C12orf56: variants seen among roughly 807,000 people sequenced by gnomAD.
C12orf56 encodes the protein uncharacterized protein C12orf56.
Under a neutral mutation model 69.9 loss-of-function variants are expected in C12orf56, and 71 were observed. The observed-to-expected ratio is 1.02, with a 90% confidence interval of 0.84 to 1.24. The LOEUF is 1.24. C12orf56 is among the 50% of genes most tolerant of loss of function. The pLI, the probability that C12orf56 is intolerant of heterozygous loss-of-function variation, is 0.00. For missense variants in C12orf56, 732 were observed against 738.5 expected, an observed-to-expected ratio of 0.99 and a Z score of 0.10; for synonymous variants, 276 against 274.1, an observed-to-expected ratio of 1.01 and a Z score of -0.07.
chr12:64,310,245 G>C (rs533634971), intron 5 of C12orf56, among the ~76,000 whole-genome samples: 2 of 151,966 alleles, frequency 1.3e-5, no homozygotes, highest in East Asian at 3.9e-4. Flanking sequence ...GGGCTCAAGC[G>C]ATCCTCCCAC....
At position 64,390,569 on chromosome 12, in the gene C12orf56, C is replaced by G. The variant is rs772074453; in HGVS notation, c.-4G>C. On this transcript the variant is annotated 5_prime_UTR_variant, in exon 1 of 13. Coordinates refer to ENST00000543942, the MANE Select transcript of C12orf56 (RefSeq NM_001170633.2). ...CGGACGGCAAGGGGCTGGCCATGCC[C>G]GGCGCCCGCAGCGTGGCGGAGTGCT... is the stretch of plus-strand genomic sequence containing the variant. 18 of 1,562,226 alleles carry G rather than the reference C, an allele frequency of 1.2e-5. No individual in the cohort carries two copies. Among genetic ancestry groups the G allele is most frequent in the Non-Finnish European group, 1.5e-5 (17 of 1,160,528 alleles).
At chr12:64,346,680 C>A (rs1476442994) in intron 2 of C12orf56, among the ~76,000 whole-genome samples, 1 of 152,084 alleles carries the variant, frequency 6.6e-6, no homozygotes, top group Non-Finnish European at 1.5e-5. Context: ...TTCTAACTCT[C>A]TAATCACATG....
At chr12:64,360,105 T>G (rs1487889392) in intron 1 of C12orf56, among the ~76,000 whole-genome samples, 1 of 152,006 alleles carries the variant, frequency 6.6e-6, no homozygotes, top group African/African-American at 2.4e-5. Context: ...AATATTTTTT[T>G]GCTTTACATC....
intron 7 of C12orf56, 38 bp downstream of exon 7, chr12:64,285,916 A>G (rs2038194193): frequency 1.7e-6 from 2 of 1,196,778 alleles, no homozygotes; most frequent in Non-Finnish European, 1.1e-6. Context: ...CACCCTAGCA[A>G]AAAAAAAAAA....
chr12:64,350,561 T>A (rs1359619458), intron 2 of C12orf56, among the ~76,000 whole-genome samples: 1 of 152,206 alleles, frequency 6.6e-6, no homozygotes, highest in African/African-American at 2.4e-5. Context: ...ACTGGCCTGA[T>A]ACATTGTCTA....
At chr12:64,280,008 T>C (rs1167670642) in intron 8 of C12orf56, among the ~76,000 whole-genome samples, 1 of 149,728 alleles carries the variant, frequency 6.7e-6, no homozygotes, top group East Asian at 1.9e-4. Context: ...CTTGCTATGA[T>C]AACATATGAA....
intron 1 of C12orf56, among the ~76,000 whole-genome samples, chr12:64,375,613 C>T (rs2039629126): frequency 6.6e-6 from 1 of 152,124 alleles, no homozygotes; most frequent in Middle Eastern, 3.2e-3. Context: ...CTGACAATAA[C>T]AAATTAAGAG....
chr12:64,352,081 T>TTTTTTGTTTTTGTTTTTG (rs1248313435), intron 2 of C12orf56, among the ~76,000 whole-genome samples: 5 of 127,634 alleles, frequency 3.9e-5, no homozygotes, highest in Non-Finnish European at 5.2e-5. Context: ...AGTAAAAGGT[T>TTTTTTGTTTTTGTTTTTG]TTTTTGTTTT....
At chr12:64,279,741 T>G (rs1024350694) in intron 8 of C12orf56, among the ~76,000 whole-genome samples, 2 of 152,196 alleles carry the variant, frequency 1.3e-5, no homozygotes, top group Admixed American at 1.3e-4. Context: ...GTTAGTACAT[T>G]TCTCACAAAA....
At position 64,390,671 on chromosome 12, in the gene C12orf56, G is replaced by C; in HGVS notation, c.-106C>G. On this transcript the variant is annotated 5_prime_UTR_variant, in exon 1 of 13. Transcript: ENST00000543942. ...CGCGCCACAAAGCCGCCGGCCACGC[G>C]TCGCCTCCTCTCCAGGCGCGGGGAC... 7.4e-7 allele frequency: 1 copy of C among 1,356,098 alleles called. No individual in the cohort carries two copies. Among genetic ancestry groups the C allele is most frequent in the Non-Finnish European group, 9.5e-7 (1 of 1,057,946 alleles). 84.0% of individuals were successfully genotyped at this position (1,356,098 alleles called of 1,614,324 possible). A position where few individuals can be genotyped will look rare whatever the true frequency, so the allele number is the denominator to read the frequency against.
At chr12:64,293,693 T>C (rs1447118617) in intron 6 of C12orf56, among the ~76,000 whole-genome samples, 1 of 152,220 alleles carries the variant, frequency 6.6e-6, no homozygotes, top group Non-Finnish European at 1.5e-5. Context: ...TTATAAAATA[T>C]CATGCATCTA....
intron 6 of C12orf56, 86 bp downstream of exon 6, chr12:64,303,549 A>C (rs567948273): frequency 2.3e-4 from 257 of 1,112,858 alleles, no homozygotes; most frequent in Admixed American, 4.9e-4. Context: ...ATACAAGACA[A>C]CTCTTATTTA....
At chr12:64,275,179 T>C (rs1276970597) in intron 10 of C12orf56, 119 bp downstream of exon 10, 2 of 701,316 alleles carry the variant, frequency 2.9e-6, no homozygotes, top group Non-Finnish European at 4.6e-6. Context: ...TACAAGCATT[T>C]TTGATATATT....
intron 7 of C12orf56, 27 bp downstream of exon 7, chr12:64,285,927 A>G (rs1160623684): frequency 1.4e-6 from 2 of 1,446,452 alleles, no homozygotes; most frequent in Non-Finnish European, 1.9e-6. Context: ...AAAAAAAAAA[A>G]TCGATGATTA....
chr12:64,375,795 A>G (rs1008049056), intron 1 of C12orf56, among the ~76,000 whole-genome samples: 13 of 152,158 alleles, frequency 8.5e-5, no homozygotes, highest in African/African-American at 2.9e-4. Flanking sequence ...CTAAAGTGTC[A>G]TCTTCTCTTA....
chr12:64,301,623 A>C (rs1195112002), intron 6 of C12orf56, among the ~76,000 whole-genome samples: 16 of 152,218 alleles, frequency 1.1e-4, no homozygotes. Flanking sequence ...ATGCATTTAC[A>C]TGTAGACATA....
chr12:64,323,550 T>C (rs1447815362), intron 3 of C12orf56, among the ~76,000 whole-genome samples: 1 of 145,526 alleles, frequency 6.9e-6, no homozygotes, highest in Non-Finnish European at 1.5e-5. Flanking sequence ...CTAAAACAAC[T>C]ACTGCAAACA....
intron 3 of C12orf56, among the ~76,000 whole-genome samples, chr12:64,330,654 A>G (rs2038917382): frequency 6.6e-6 from 1 of 152,210 alleles, no homozygotes; most frequent in Admixed American, 6.5e-5. Flanking sequence ...ATAGGGCCTA[A>G]CATAGTGCCC....
intron 9 of C12orf56, among the ~76,000 whole-genome samples, chr12:64,276,893 C>A (rs567775070): frequency 6.7e-6 from 1 of 149,058 alleles, no homozygotes; most frequent in African/African-American, 2.5e-5. Flanking sequence ...ACTCAGGAGT[C>A]TGAAGTGAGA....
Sources: gnomAD v4.1 joint callset for allele counts (sites outside exome capture counted in the v4.1 genomes callset) on GRCh38, gnomAD v4.1.1 for gene constraint, MANE v1.5 for transcripts, NCBI Gene and HGNC (gene_info 2026-07-23, HGNC 2026-07-21) for gene names.